PARD3B: variants seen among roughly 807,000 people sequenced by gnomAD.
The protein encoded by PARD3B is par-3 family cell polarity regulator beta, also known as partitioning defective 3 homolog B.
In PARD3B, 103 loss-of-function variants were observed where a neutral mutation model predicts 130.2. That is an observed-to-expected ratio of 0.79 (90% confidence interval 0.67 to 0.93). PARD3B has a LOEUF of 0.93. Among genes scored for constraint, PARD3B ranks in the 40% least tolerant of loss-of-function variants. PARD3B has a pLI of 0.00. For synonymous variants in PARD3B, 583 were observed against 553.2 expected, an observed-to-expected ratio of 1.05 and a Z score of -0.76; for missense variants, 1,609 against 1,499.2, an observed-to-expected ratio of 1.07 and a Z score of -1.21.
chr2:205,570,597 T>C (rs533002456), intron 22 of PARD3B, among the ~76,000 whole-genome samples: 97 of 152,322 alleles, frequency 6.4e-4, no homozygotes, highest in African/African-American at 2.0e-3. Context: ...TTTGGTCTGC[T>C]TTTAAAGAGA....
intron 2 of PARD3B, among the ~76,000 whole-genome samples, chr2:204,687,450 A>G (rs1275652913): frequency 6.6e-6 from 1 of 152,200 alleles, no homozygotes; most frequent in Non-Finnish European, 1.5e-5. Context: ...CCTAGTGGAC[A>G]TGGACTTGGG....
intron 20 of PARD3B, among the ~76,000 whole-genome samples, chr2:205,492,646 A>C (rs1453119820): frequency 6.6e-6 from 1 of 152,124 alleles, no homozygotes; most frequent in Non-Finnish European, 1.5e-5. Context: ...TTGTCAATGC[A>C]CCTTTGAAAA....
chr2:204,957,886 AATTTT>A (rs1690403264), intron 2 of PARD3B, among the ~76,000 whole-genome samples: 1 of 152,122 alleles, frequency 6.6e-6, no homozygotes, highest in South Asian at 2.1e-4. Context: ...AAACGATTCC[AATTTT>A]ATTTTATAGG....
intron 16 of PARD3B, among the ~76,000 whole-genome samples, chr2:205,255,190 GCT>G (rs140069072): frequency 0.11 from 17,228 of 151,862 alleles, 1,083 homozygotes; most frequent in African/African-American, 0.17. Context: ...TCTCAGGCAG[GCT>G]CTCTCTTGGT....
chr2:205,275,354 C>G lies in PARD3B; in HGVS notation c.2186-25176C>G, dbSNP rs192134752. On this transcript the variant is annotated intron_variant, in intron 16 of 22. Transcript: ENST00000406610. ...CACATTCTTATGAGGTCATGAATTACAAGTTCATGTGTCTTATGGCAAAAT... is the reference window on the plus strand; with the variant it reads ...CACATTCTTATGAGGTCATGAATTAGAAGTTCATGTGTCTTATGGCAAAAT... Among the ~76,000 whole-genome samples the G allele has an allele frequency of 6.9e-4, 105 of 152,164 alleles. 1 individual carries two copies. Among genetic ancestry groups the G allele is most frequent in the African/African-American group, 2.4e-3 (101 of 41,522 alleles).
At chr2:204,671,355 G>A (rs957597232) in intron 1 of PARD3B, among the ~76,000 whole-genome samples, 5 of 152,182 alleles carry the variant, frequency 3.3e-5, no homozygotes, top group South Asian at 2.1e-4. Flanking sequence ...GTGAGATGGT[G>A]GGGGGCACCT....
intron 2 of PARD3B, among the ~76,000 whole-genome samples, chr2:204,698,225 C>T (rs1463363509): frequency 6.6e-6 from 1 of 152,072 alleles, no homozygotes; most frequent in African/African-American, 2.4e-5. Context: ...AGCTTAGGCT[C>T]TATTTTTTGG....
chr2:204,988,855 C>G (rs1693402154), intron 3 of PARD3B, among the ~76,000 whole-genome samples: 1 of 152,116 alleles, frequency 6.6e-6, no homozygotes, highest in Non-Finnish European at 1.5e-5. Context: ...GCTGTCCACG[C>G]CCTGACACCA....
At chr2:204,905,229 A>T (rs1476412183) in intron 2 of PARD3B, among the ~76,000 whole-genome samples, 1 of 152,188 alleles carries the variant, frequency 6.6e-6, no homozygotes, top group African/African-American at 2.4e-5. Context: ...TATCAGAAAG[A>T]GGCATCTTGG....
intron 2 of PARD3B, among the ~76,000 whole-genome samples, chr2:204,708,073 T>A (rs2125292594): frequency 6.6e-6 from 1 of 152,306 alleles, no homozygotes; most frequent in East Asian, 1.9e-4. Context: ...GTCTCAGAAC[T>A]GGGAGGAGCA....
chr2:204,861,167 TCTCTCTCTCTCTCTCTCTC>T (rs2045174098), intron 2 of PARD3B, among the ~76,000 whole-genome samples: 1 of 37,006 alleles, frequency 2.7e-5, no homozygotes, highest in African/African-American at 6.0e-4. Flanking sequence ...TACCTTTCTC[TCTCTCTCTCTCTCTCTCTC>T]TCTCTCTCTC....
intron 21 of PARD3B, among the ~76,000 whole-genome samples, chr2:205,535,330 C>T (rs757192584): frequency 1.5e-4 from 23 of 152,280 alleles, no homozygotes; most frequent in Admixed American, 7.8e-4. Flanking sequence ...AGTGGTGGTA[C>T]TCAGACTCTT....
intron 1 of PARD3B, among the ~76,000 whole-genome samples, chr2:204,624,812 G>T (rs1233756878): frequency 6.6e-6 from 1 of 152,080 alleles, no homozygotes; most frequent in East Asian, 1.9e-4. Context: ...ACTGTCAAAC[G>T]ATTTTCCAGA....
intron 18 of PARD3B, among the ~76,000 whole-genome samples, chr2:205,307,988 C>T (rs1299331002): frequency 6.6e-6 from 1 of 152,152 alleles, no homozygotes; most frequent in Non-Finnish European, 1.5e-5. Flanking sequence ...TTTTACTAGA[C>T]TAATGAAGAA....
At chr2:205,206,621 G>A (rs1260039743) in intron 15 of PARD3B, among the ~76,000 whole-genome samples, 1 of 151,216 alleles carries the variant, frequency 6.6e-6, no homozygotes, top group Non-Finnish European at 1.5e-5. Flanking sequence ...TATCATTATT[G>A]GACATTTGGC....
At chr2:204,698,709 C>T (rs1044386246) in intron 2 of PARD3B, among the ~76,000 whole-genome samples, 10 of 151,930 alleles carry the variant, frequency 6.6e-5, no homozygotes, top group African/African-American at 2.4e-4. Context: ...CTGTCTTTAG[C>T]CTTTTTAGAT....
At chr2:205,489,567 T>TATATATAC (rs1559141565) in intron 20 of PARD3B, among the ~76,000 whole-genome samples, 1 of 147,718 alleles carries the variant, frequency 6.8e-6, no homozygotes, top group Admixed American at 6.8e-5. Context: ...TACATATATA[T>TATATATAC]ACACACACAC....
chr2:204,822,934 T>G (rs1030207059), intron 2 of PARD3B, among the ~76,000 whole-genome samples: 1 of 152,230 alleles, frequency 6.6e-6, no homozygotes, highest in African/African-American at 2.4e-5. Flanking sequence ...TCATCTGCTC[T>G]CTTTCTTGCT....
intron 2 of PARD3B, among the ~76,000 whole-genome samples, chr2:204,926,646 A>T (rs1216636460): frequency 1.3e-5 from 2 of 152,050 alleles, no homozygotes; most frequent in Non-Finnish European, 2.9e-5. Context: ...TCGGAAGCAA[A>T]CTAGGTCTTC....
Sources: gnomAD v4.1 joint callset for allele counts (sites outside exome capture counted in the v4.1 genomes callset) on GRCh38, gnomAD v4.1.1 for gene constraint, MANE v1.5 for transcripts, NCBI Gene and HGNC (gene_info 2026-07-23, HGNC 2026-07-21) for gene names.